Variants in RSF1 observed in about 807,000 individuals in gnomAD.
The protein encoded by RSF1 is HBV pX-associated protein 8.
RSF1 carries 13 observed loss-of-function variants against 145.2 expected under a neutral mutation model. The observed-to-expected ratio is 0.09, with a 90% CI of 0.06 to 0.14. RSF1 has a LOEUF of 0.14. Ranked by LOEUF, RSF1 falls within the 10% of genes least tolerant of loss-of-function variation. The pLI is 1.00. For synonymous variants in RSF1, 577 were observed against 592.6 expected, an observed-to-expected ratio of 0.97 and a Z score of 0.38; for missense variants, 1,517 against 1,718.2, an observed-to-expected ratio of 0.88 and a Z score of 2.07.
chr11:77,821,154 C>G (rs1948877156), upstream of RSF1: 2 of 389,002 alleles, frequency 5.1e-6, no homozygotes, highest in East Asian at 7.9e-5. Context: ...AGTTGGGGAG[C>G]GCAGATCCCG....
At chr11:77,670,180 C>T (rs1368158798) in intron 15 of RSF1, among the ~76,000 whole-genome samples, 1 of 152,190 alleles carries the variant, frequency 6.6e-6, no homozygotes, top group Non-Finnish European at 1.5e-5. Context: ...CGTTTGCTGA[C>T]TGGCCCCCAC....
chr11:77,837,593 G>A, the RSF1 span, among the ~76,000 whole-genome samples: 16 of 150,624 alleles, frequency 1.1e-4, no homozygotes, highest in South Asian at 2.1e-4. Context: ...GCATCACTAC[G>A]CCCGGCTAAT....
intron 1 of RSF1, among the ~76,000 whole-genome samples, chr11:77,801,447 A>G (rs1948625634): frequency 1.3e-5 from 2 of 152,172 alleles, no homozygotes; most frequent in South Asian, 4.1e-4. Flanking sequence ...GAAGAAATAC[A>G]TATTCGATCT....
chr11:77,839,737 C>T, the RSF1 span, among the ~76,000 whole-genome samples: 3 of 152,098 alleles, frequency 2.0e-5, no homozygotes, highest in African/African-American at 7.2e-5. Flanking sequence ...CTGAACAGCA[C>T]ATGTTCTCAC....
rs1161189344 is a variant in RSF1, at chr11:77,666,486, A to AAT, written c.*429_*430dup. The AAT allele has an allele frequency of 6.5e-6, 1 of 152,700 alleles. No individual in the cohort carries two copies. Among genetic ancestry groups the AAT allele is most frequent in the Non-Finnish European group, 1.5e-5 (1 of 68,172 alleles). The allele number at this position is 152,700 out of a possible 1,614,324, so 9.5% of individuals were successfully genotyped here. A position where few individuals can be genotyped will look rare whatever the true frequency, so the allele number is the denominator to read the frequency against. ...ATCTATGCCATGAATGTTTAAATAT[A>AAT]ATATATATTTAATATGAAAAAGCTA... On this transcript the variant is annotated 3_prime_UTR_variant, in exon 16 of 16. Coordinates refer to ENST00000308488, the MANE Select transcript of RSF1 (RefSeq NM_016578.4).
At position 77,666,243 on chromosome 11, in the gene RSF1, TTTTA is replaced by T. The variant is rs1167329902; in HGVS notation, c.*670_*673del. 2.0e-5 allele frequency: 3 copies of T among 152,396 alleles called. No individual in the cohort carries two copies. Among genetic ancestry groups the T allele is most frequent in the African/African-American group, 7.2e-5 (3 of 41,458 alleles). 9.4% of individuals were successfully genotyped at this position (152,396 alleles called of 1,614,324 possible). A position where few individuals can be genotyped will look rare whatever the true frequency, so the allele number is the denominator to read the frequency against. ...TACTGTACAAATGCTTTTCAGATGA[TTTTA>T]TTTTTTTTTAAACAAGAAACTCTGC... On this transcript the variant is annotated 3_prime_UTR_variant, in exon 16 of 16. Coordinates refer to ENST00000308488, the MANE Select transcript of RSF1 (RefSeq NM_016578.4).
rs757753152 is a variant in RSF1 at position 77,702,434 on chromosome 11, A to T, written c.795T>A (p.Arg265=). The T allele has an allele frequency of 3.2e-6, 5 of 1,581,562 alleles. No homozygotes were observed. The highest frequency in any genetic ancestry group is 4.3e-6 in the Non-Finnish European group (5 of 1,172,254). The stretch of plus-strand genomic sequence containing the variant: ...TCTCTTCTAGAACATTGGCTGTAGA[A>T]CGGTTTTCTAAATCCATAGGCTGCT... ...SEEQPMDLEN[R]STANVLEETT... is the part of the protein sequence containing the mutation. The change falls in exon 6 of 16, where the codon CGT becomes CGA. Residue 265 remains arginine (R), a synonymous_variant. Transcript: ENST00000308488.
chr11:77,660,077 A>G lies in RSF1; in HGVS notation c.*6840T>C, dbSNP rs1188925470. The G allele has an allele frequency of 6.6e-6, 1 of 152,244 alleles. No homozygotes were observed. The allele number at this position is 152,244 out of a possible 1,614,324, so 9.4% of individuals were successfully genotyped here. The stretch of plus-strand genomic sequence containing the variant: ...AAGAAATGACAGAAGTATTATAATA[A>G]AACATTTTGAAAGAAAAAGTTACAC... On this transcript the variant is annotated 3_prime_UTR_variant, in exon 16 of 16. Coordinates refer to ENST00000308488, the MANE Select transcript of RSF1 (RefSeq NM_016578.4).
chr11:77,822,280 A>C (rs1948946852), upstream of RSF1, among the ~76,000 whole-genome samples: 1 of 152,002 alleles, frequency 6.6e-6, no homozygotes, highest in South Asian at 2.1e-4. Context: ...TCTCTAGTAA[A>C]AATAACGAAA....
At chr11:77,739,309 T>G (rs1961448582) in intron 4 of RSF1, 1 of 152,652 alleles carries the variant, frequency 6.6e-6, no homozygotes, top group South Asian at 2.1e-4. Context: ...ATTTTCTTCA[T>G]CTACAAAGAA....
At chr11:77,819,585 A>T (rs901628692) in intron 1 of RSF1, among the ~76,000 whole-genome samples, 1 of 152,220 alleles carries the variant, frequency 6.6e-6, no homozygotes, top group South Asian at 2.1e-4. Flanking sequence ...AGAGAGAAAC[A>T]TGAGCAACAA....
intron 5 of RSF1, among the ~76,000 whole-genome samples, chr11:77,709,439 T>C (rs1412381186): frequency 1.3e-5 from 2 of 152,212 alleles, no homozygotes; most frequent in Admixed American, 1.3e-4. Context: ...CAATAAATAT[T>C]TGTTGACTGA....
intron 1 of RSF1, among the ~76,000 whole-genome samples, chr11:77,781,381 G>C (rs1948402580): frequency 6.6e-6 from 1 of 152,178 alleles, no homozygotes. Flanking sequence ...TTACAGATGT[G>C]AGCCACTGTG....
chr11:77,810,198 T>C (rs910879798), intron 1 of RSF1, among the ~76,000 whole-genome samples: 1 of 152,202 alleles, frequency 6.6e-6, no homozygotes, highest in Non-Finnish European at 1.5e-5. Flanking sequence ...TCATCCAACC[T>C]TACCCTCCCC....
At position 77,745,090 on chromosome 11, in the gene RSF1, G is replaced by C. The variant is rs915377138; in HGVS notation, c.372+1946C>G. Among the ~76,000 whole-genome samples the C allele has an allele frequency of 2.0e-5, 3 of 152,072 alleles. No homozygotes were observed. In the East Asian group the frequency reaches 5.8e-4, roughly 29 times the overall value. Reference sequence around the variant, plus strand: ...TATATAATCCAAACAATTGTTCATAGTTGTTTCTATGATCCTTTGTATTTC... The same window carrying C: ...TATATAATCCAAACAATTGTTCATACTTGTTTCTATGATCCTTTGTATTTC... On this transcript the variant is annotated intron_variant, in intron 3 of 15. Transcript: ENST00000308488.
intron 1 of RSF1, among the ~76,000 whole-genome samples, chr11:77,809,563 G>GAA (rs1948711297): frequency 6.6e-6 from 1 of 152,158 alleles, no homozygotes; most frequent in Non-Finnish European, 1.5e-5. Flanking sequence ...ATAGCAAGGA[G>GAA]AAACCAGTTG....
intron 4 of RSF1, among the ~76,000 whole-genome samples, chr11:77,730,617 C>A (rs1235120988): frequency 6.6e-6 from 1 of 152,118 alleles, no homozygotes; most frequent in Admixed American, 6.5e-5. Context: ...TGTCTCCACC[C>A]AAATCTCATC....
At chr11:77,776,077 A>G (rs571734076) in intron 1 of RSF1, among the ~76,000 whole-genome samples, 2 of 152,256 alleles carry the variant, frequency 1.3e-5, no homozygotes, top group South Asian at 2.1e-4. Context: ...TGGGCATGGT[A>G]GCATGTGCTT....
the RSF1 span, chr11:77,870,012 A>G: frequency 2.3e-6 from 1 of 426,032 alleles, no homozygotes; most frequent in Non-Finnish European, 4.2e-6. Context: ...ACCCTGAGAC[A>G]GTGTCATTTC....
Sources: gnomAD v4.1 joint callset for allele counts (sites outside exome capture counted in the v4.1 genomes callset) on GRCh38, gnomAD v4.1.1 for gene constraint, MANE v1.5 for transcripts, NCBI Gene and HGNC (gene_info 2026-07-23, HGNC 2026-07-21) for gene names.